The following FGF11 variants were observed in gnomAD, a reference collection of about 807,000 sequenced individuals.
FGF11 encodes the protein fibroblast growth factor homologous factor 3.
In FGF11, 25 loss-of-function variants were observed where a neutral mutation model predicts 25.1. That is an observed-to-expected ratio of 1.00 (90% confidence interval 0.73 to 1.39). The LOEUF (loss-of-function observed/expected upper bound fraction) is 1.39. Among genes scored for constraint, FGF11 ranks in the 40% most tolerant of loss-of-function variants. FGF11 has a pLI of 0.00. For synonymous variants in FGF11, 130 were observed against 128.9 expected (o/e 1.01, Z -0.06); for missense variants, 320 against 311.0 (o/e 1.03, Z -0.22).
rs960653492 is a variant in FGF11, at chr17:7,444,622, C to T, written c.*1476C>T. On this transcript the variant is annotated 3_prime_UTR_variant, in exon 5 of 5. Coordinates refer to ENST00000293829, the MANE Select transcript of FGF11 (RefSeq NM_004112.4). ...TTTTAGGTACCCAAAAAGGGCCTGT[C>T]TAGATTTTTTCAGAAAAACGTGGAG... The T allele has an allele frequency of 1.2e-5, 2 of 171,318 alleles. No homozygotes were observed. The highest frequency in any genetic ancestry group is 4.8e-5 in the African/African-American group (2 of 41,594). 10.6% of individuals were successfully genotyped at this position (171,318 alleles called of 1,614,324 possible).
In FGF11 at chr17:7,444,050, C is replaced by G. The variant is rs112339226; in HGVS notation, c.*904C>G. ...CGGATGAGTTCTGGAAAAGACCCAG[C>G]TATGATTCATAAAAACACTTCTGGA... is the stretch of plus-strand genomic sequence containing the variant. On this transcript the variant is annotated 3_prime_UTR_variant, in exon 5 of 5. Coordinates refer to ENST00000293829, the MANE Select transcript of FGF11 (RefSeq NM_004112.4). 160 of 152,292 alleles carry G rather than the reference C, an allele frequency of 1.1e-3. No homozygotes were observed. Among genetic ancestry groups the G allele is most frequent in the African/African-American group, 3.6e-3 (151 of 41,554 alleles). 9.4% of individuals were successfully genotyped at this position (152,292 alleles called of 1,614,324 possible).
Position 7,439,826 on chromosome 17 carries a change from G to A in FGF11, c.193+13G>A. 7.1e-7 allele frequency: 1 copy of A among 1,412,390 alleles called. No homozygotes were observed. Among genetic ancestry groups the A allele is most frequent in the Non-Finnish European group, 9.2e-7 (1 of 1,089,008 alleles). The allele number at this position is 1,412,390 out of a possible 1,614,324, so 87.5% of individuals were successfully genotyped here. Reference sequence around the variant, plus strand: ...GACCGCGGCCCGGGTGAGTGCGGCTGGGGCGGGGTCTCCCGGCCAGAGGTT... The same window carrying A: ...GACCGCGGCCCGGGTGAGTGCGGCTAGGGCGGGGTCTCCCGGCCAGAGGTT... On this transcript the variant is annotated intron_variant, in intron 1 of 4. Coordinates refer to ENST00000293829, the MANE Select transcript of FGF11 (RefSeq NM_004112.4).
chr17:7,443,204 A>G lies in FGF11; in HGVS notation c.*58A>G. ...TCCCAGTGAGCCAGCCACCACCACAACCTGTCTCCCAGTCCTGCTCTCACC... is the reference window on the plus strand; with the variant it reads ...TCCCAGTGAGCCAGCCACCACCACAGCCTGTCTCCCAGTCCTGCTCTCACC... On this transcript the variant is annotated 3_prime_UTR_variant, in exon 5 of 5. Coordinates refer to ENST00000293829, the MANE Select transcript of FGF11 (RefSeq NM_004112.4). 3.6e-6 allele frequency: 4 copies of G among 1,100,478 alleles called. No individual in the cohort carries two copies. Among genetic ancestry groups the G allele is most frequent in the Admixed American group, 1.9e-5 (1 of 53,372 alleles). 68.2% of individuals were successfully genotyped at this position (1,100,478 alleles called of 1,614,324 possible). A position where few individuals can be genotyped will look rare whatever the true frequency, so the allele number is the denominator to read the frequency against.
chr17:7,440,936 G>A lies in FGF11; in HGVS notation c.194-535G>A, dbSNP rs548455569. ...GACAGACAGACAGACAGACAGATGG[G>A]TCAGTGTCAGACAGGCCGGCGCTGG... On this transcript the variant is annotated intron_variant, in intron 1 of 4. Transcript: ENST00000293829. This position sits in a 1 kb window ranked among gnomAD's most constrained non-coding sequence, Gnocchi z 5.4. 3.9e-5 allele frequency: 38 copies of A among 974,474 alleles called. No individual in the cohort carries two copies. The South Asian group carries it at 1.5e-3, about 39-fold the overall frequency. The allele number at this position is 974,474 out of a possible 1,614,324, so 60.4% of individuals were successfully genotyped here.
rs1908429445 is a variant in FGF11 at position 7,443,240 on chromosome 17, C to T, written c.*94C>T. The T allele has an allele frequency of 1.3e-6, 1 of 791,250 alleles. No individual in the cohort carries two copies. The allele number at this position is 791,250 out of a possible 1,614,324, so 49.0% of individuals were successfully genotyped here. On this transcript the variant is annotated 3_prime_UTR_variant, in exon 5 of 5. Coordinates refer to ENST00000293829, the MANE Select transcript of FGF11 (RefSeq NM_004112.4). ...AGTCCTGCTCTCACCCCTGCTGCCACACACATGCCCTGAGCAGCCAGGTCC... is the reference window on the plus strand; with the variant it reads ...AGTCCTGCTCTCACCCCTGCTGCCATACACATGCCCTGAGCAGCCAGGTCC...
At position 7,440,552 on chromosome 17, in the gene FGF11, G is replaced by A; in HGVS notation, c.193+739G>A. 1 of 603,162 alleles carries A rather than the reference G, an allele frequency of 1.7e-6. No individual in the cohort carries two copies. The highest frequency in any genetic ancestry group is 2.1e-6 in the Non-Finnish European group (1 of 480,542). 37.4% of individuals were successfully genotyped at this position (603,162 alleles called of 1,614,324 possible). A position where few individuals can be genotyped will look rare whatever the true frequency, so the allele number is the denominator to read the frequency against. On this transcript the variant is annotated intron_variant, in intron 1 of 4. Transcript: ENST00000293829. This position sits in a 1 kb window ranked among gnomAD's most constrained non-coding sequence, Gnocchi z 5.4. The stretch of plus-strand genomic sequence containing the variant: ...CGTACCACCTACAAGGGGGGACAGG[G>A]AAGTCGGCAGAGAGCAAGCGATGGG...
chr17:7,441,148 C>A (rs1384932819), intron 1 of FGF11: 1 of 343,740 alleles, frequency 2.9e-6, no homozygotes, highest in South Asian at 2.8e-5. Context: ...TCTGTCCCTG[C>A]CTTTTGATAT....
Position 7,443,237 on chromosome 17 carries a change from CCA to C in FGF11, c.*98_*99del, listed in dbSNP as rs1230026790. ...CCCAGTCCTGCTCTCACCCCTGCTG[CCA>C]CACACATGCCCTGAGCAGCCAGGTC... is the stretch of plus-strand genomic sequence containing the variant. On this transcript the variant is annotated 3_prime_UTR_variant, in exon 5 of 5. Transcript: ENST00000293829. The C allele has an allele frequency of 1.1e-5, 9 of 816,408 alleles. No homozygotes were observed. Among genetic ancestry groups the C allele is most frequent in the African/African-American group, 1.7e-5 (1 of 58,518 alleles). 50.6% of individuals were successfully genotyped at this position (816,408 alleles called of 1,614,324 possible). A position where few individuals can be genotyped will look rare whatever the true frequency, so the allele number is the denominator to read the frequency against.
At position 7,439,598 on chromosome 17, in the gene FGF11, G is replaced by C. The variant is rs1429764311; in HGVS notation, c.-23G>C. On this transcript the variant is annotated 5_prime_UTR_variant, in exon 1 of 5. Transcript: ENST00000293829. ...CGCGCTCCGGGCGCCTGCCGGTTTG[G>C]GGGTGTCTCCTCCCGGGGCGCTATG... The C allele has an allele frequency of 8.6e-6, 12 of 1,399,062 alleles. No homozygotes were observed. Among genetic ancestry groups the C allele is most frequent in the South Asian group, 4.8e-5 (3 of 62,888 alleles). 86.7% of individuals were successfully genotyped at this position (1,399,062 alleles called of 1,614,324 possible).
Position 7,443,214 on chromosome 17 carries a change from C to T in FGF11, c.*68C>T, listed in dbSNP as rs1908426949. The T allele has an allele frequency of 1.0e-6, 1 of 988,234 alleles. No individual in the cohort carries two copies. The highest frequency in any genetic ancestry group is 1.6e-6 in the Non-Finnish European group (1 of 637,144). 61.2% of individuals were successfully genotyped at this position (988,234 alleles called of 1,614,324 possible). On this transcript the variant is annotated 3_prime_UTR_variant, in exon 5 of 5. Transcript: ENST00000293829. ...CCAGCCACCACCACAACCTGTCTCCCAGTCCTGCTCTCACCCCTGCTGCCA... is the reference window on the plus strand; with the variant it reads ...CCAGCCACCACCACAACCTGTCTCCTAGTCCTGCTCTCACCCCTGCTGCCA...
upstream of FGF11, among the ~76,000 whole-genome samples, chr17:7,438,688 G>A (rs1194475061): frequency 6.6e-6 from 1 of 152,122 alleles, no homozygotes; most frequent in Non-Finnish European, 1.5e-5. Context: ...TCTCTTGGGG[G>A]GCTGGTTAGA....
At position 7,444,533 on chromosome 17, in the gene FGF11, AC is replaced by A. The variant is rs1291021622; in HGVS notation, c.*1388del. ...AGGCCTCTTGCACTCCAGACCTCATACGCCCCAACAGCTTCTAATTGGATAG... is the reference window on the plus strand; with the variant it reads ...AGGCCTCTTGCACTCCAGACCTCATAGCCCCAACAGCTTCTAATTGGATAG... On this transcript the variant is annotated 3_prime_UTR_variant, in exon 5 of 5. Transcript: ENST00000293829. 6.3e-6 allele frequency: 1 copy of A among 158,936 alleles called. No individual in the cohort carries two copies. Among genetic ancestry groups the A allele is most frequent in the East Asian group, 1.9e-4 (1 of 5,364 alleles). 9.8% of individuals were successfully genotyped at this position (158,936 alleles called of 1,614,324 possible). A position where few individuals can be genotyped will look rare whatever the true frequency, so the allele number is the denominator to read the frequency against.
At chr17:7,441,224 C>G in intron 1 of FGF11, 1 of 468,542 alleles carries the variant, frequency 2.1e-6, no homozygotes. Context: ...AGGAATTAAG[C>G]CATTTAAATA....
intron 3 of FGF11, 36 bp from the exon 4 acceptor site, chr17:7,442,554 CTCTG>C (rs768664394): frequency 1.2e-5 from 19 of 1,612,852 alleles, no homozygotes; most frequent in East Asian, 6.7e-5. Context: ...CTTTTTATCT[CTCTG>C]TCTTTGTGCG....
In FGF11 at chr17:7,442,690, C is replaced by A. The variant is rs146590295; in HGVS notation, c.505C>A (p.Arg169=). ...TCTCTACCGCCAGCGTCGTTCTGGC[C>A]GGGCCTGGTACCTCGGCCTGGACAA... The part of the protein sequence containing the change: ...SALYRQRRSG[R]AWYLGLDKEG... The change falls in exon 4 of 5, where the codon CGG becomes AGG. Residue 169 remains arginine, a synonymous_variant. Coordinates refer to ENST00000293829, the MANE Select transcript of FGF11 (RefSeq NM_004112.4). 2.8e-5 allele frequency: 46 copies of A among 1,614,158 alleles called. No individual in the cohort carries two copies. In the African/African-American group the frequency reaches 5.2e-4, roughly 18 times the overall value.
chr17:7,442,268 C>CT (rs879362916), intron 3 of FGF11: 9,927 of 289,608 alleles, frequency 0.034, 74 homozygotes, highest in African/African-American at 0.062. Context: ...AAGTCTAGTT[C>CT]TTTTTTTTTT....
At chr17:7,441,117 C>A (rs1368507336) in intron 1 of FGF11, 5 of 309,540 alleles carry the variant, frequency 1.6e-5, no homozygotes, top group Non-Finnish European at 2.3e-5. Flanking sequence ...GCTGCCCCTT[C>A]AGTACCCCTG....
rs952677322 is a variant in FGF11 at position 7,440,643 on chromosome 17, C to T, written c.194-828C>T. On this transcript the variant is annotated intron_variant, in intron 1 of 4. Transcript: ENST00000293829. The surrounding 1 kb of genome is among the most constrained non-coding windows in gnomAD (Gnocchi z 5.4). ...TACGACAGTCAGGGAGTCCCTCTGG[C>T]CCTGCTCCCGCCCGCTCCCAGCTCC... The T allele has an allele frequency of 4.1e-6, 4 of 985,106 alleles. No individual in the cohort carries two copies. Among genetic ancestry groups the T allele is most frequent in the African/African-American group, 3.5e-5 (2 of 57,118 alleles). 61.0% of individuals were successfully genotyped at this position (985,106 alleles called of 1,614,324 possible). A position where few individuals can be genotyped will look rare whatever the true frequency, so the allele number is the denominator to read the frequency against.
intron 3 of FGF11, chr17:7,442,196 T>C (rs1440154164): frequency 2.8e-6 from 1 of 356,664 alleles, no homozygotes; most frequent in African/African-American, 2.1e-5. Context: ...TCATCCAGGA[T>C]AGGGGATAGT....
Sources: gnomAD v4.1 joint callset for allele counts (sites outside exome capture counted in the v4.1 genomes callset) on GRCh38, gnomAD v4.1.1 for gene constraint, Gnocchi (gnomAD v3.1) non-coding constraint, MANE v1.5 for transcripts, NCBI Gene and HGNC (gene_info 2026-07-23, HGNC 2026-07-21) for gene names.